The following KIR3DL1 variants were observed in gnomAD, a reference collection of about 807,000 sequenced individuals.
The protein encoded by KIR3DL1 is killer cell immunoglobulin like receptor, three Ig domains and long cytoplasmic tail 1, also known as killer cell immunoglobulin-like receptor 3DL1.
KIR3DL1 carries 50 observed loss-of-function variants against 40.3 expected under a neutral mutation model. That is an observed-to-expected ratio of 1.24 (90% CI 0.99 to 1.57). The LOEUF (loss-of-function observed/expected upper bound fraction) is 1.57. KIR3DL1 is among the 40% of genes most tolerant of loss of function. The pLI, the probability that KIR3DL1 is intolerant of heterozygous loss-of-function variation, is 0.00. For synonymous variants in KIR3DL1, 257 were observed against 207.2 expected (o/e 1.24, Z -2.07); for missense variants, 661 against 559.9 (o/e 1.18, Z -1.82).
At chr19:54,822,789 T>A (rs2061702426) in intron 5 of KIR3DL1, among the ~76,000 whole-genome samples, 1 of 146,934 alleles carries the variant, frequency 6.8e-6, no homozygotes, top group South Asian at 2.2e-4. Flanking sequence ...TCCAGTTCCA[T>A]CCATGTGGCT....
At chr19:54,817,923 C>T (rs4080176) in intron 2 of KIR3DL1, among the ~76,000 whole-genome samples, 41,318 of 125,100 alleles carry the variant, frequency 0.33, 8,935 homozygotes, top group African/African-American at 0.57. Context: ...AGTGTGGCTG[C>T]GGTCTTTCTA....
At position 54,821,770 on chromosome 19, in the gene KIR3DL1, C is replaced by T. The variant is rs754894112; in HGVS notation, c.861C>T (p.His287=). The change falls in exon 5 of 9, where the codon CAC becomes CAT. Residue 287 remains histidine, a synonymous_variant. Coordinates refer to ENST00000391728, the Ensembl canonical transcript of KIR3DL1. ...ATTTCCCTCTGGGCCCTGCCACCCA[C>T]GGAGGGACCTACAGATGCTTCGGCT... 2.3e-4 allele frequency: 369 copies of T among 1,607,490 alleles called. 15 individuals carry two copies. Among genetic ancestry groups the T allele is most frequent in the Non-Finnish European group, 4.9e-5 (58 of 1,176,526 alleles).
chr19:54,823,547 G>C (rs2061741173), intron 5 of KIR3DL1, among the ~76,000 whole-genome samples: 4 of 151,120 alleles, frequency 2.6e-5, no homozygotes, highest in Non-Finnish European at 1.5e-5. Flanking sequence ...TCCCAGGCTG[G>C]AGTGCAAGGG....
intron 5 of KIR3DL1, among the ~76,000 whole-genome samples, chr19:54,824,644 C>A (rs1360396535): frequency 6.6e-6 from 1 of 151,114 alleles, no homozygotes; most frequent in African/African-American, 2.4e-5. Flanking sequence ...CCTCTGCACT[C>A]CAGCCTGCAT....
intron 6 of KIR3DL1, 78 bp from the exon 7 acceptor site, chr19:54,829,283 T>C: frequency 2.5e-6 from 3 of 1,205,958 alleles, no homozygotes; most frequent in Non-Finnish European, 3.5e-6. Flanking sequence ...TGGTTACCTG[T>C]CAATCAAGAA....
chr19:54,821,710 T>C, exon 5 of KIR3DL1: 1 of 1,609,100 alleles, frequency 6.2e-7, no homozygotes, highest in Non-Finnish European at 8.5e-7. Context: ...GTAGGCTCCC[T>C]GCAGTGCGCA....
chr19:54,823,053 A>G (rs1174688808), intron 5 of KIR3DL1, among the ~76,000 whole-genome samples: 1 of 145,788 alleles, frequency 6.9e-6, no homozygotes, highest in African/African-American at 2.5e-5. Context: ...TTCTTTTTTG[A>G]GAAAGAGTTT....
intron 5 of KIR3DL1, 44 bp from the exon 6 acceptor site, chr19:54,824,984 C>T: frequency 7.4e-7 from 1 of 1,354,942 alleles, no homozygotes; most frequent in Non-Finnish European, 1.1e-6. Context: ...GAGTAGAGGA[C>T]AAGCACCCTC....
intron 6 of KIR3DL1, among the ~76,000 whole-genome samples, chr19:54,827,896 C>G (rs182448872): frequency 6.7e-6 from 1 of 150,258 alleles, no homozygotes; most frequent in African/African-American, 2.5e-5. Context: ...CCCAAATCCC[C>G]CATCTCACCC....
At position 54,819,773 on chromosome 19, in the gene KIR3DL1, G is replaced by C. The variant is rs2273730; in HGVS notation, c.416G>C (p.Arg139Thr). The C allele has an allele frequency of 8.4e-4, 1,356 of 1,610,728 alleles. 27 individuals carry two copies. Among genetic ancestry groups the C allele is most frequent in the East Asian group, 5.0e-3 (224 of 44,736 alleles). ...GGTCCCCTGGTGAAATCAGGAGAGAGAGTCATCCTGCAATGTTGGTCAGAT... is the reference window on the plus strand; with the variant it reads ...GGTCCCCTGGTGAAATCAGGAGAGACAGTCATCCTGCAATGTTGGTCAGAT... Residue 139 changes from arginine (R) to threonine (T), a missense_variant, in exon 4 of 9, where the codon AGA (arginine) becomes ACA (threonine). By Grantham distance (71) the Arg-to-Thr change is moderately conservative. Around this residue, in one of 3 missense-constraint regions of KIR3DL1, gnomAD observed 548 missense variants for 413.3 expected, o/e 1.33. Coordinates refer to ENST00000391728, the Ensembl canonical transcript of KIR3DL1.
In KIR3DL1 at chr19:54,830,355, C is replaced by A; in HGVS notation, c.*80C>A. Reference sequence around the variant, plus strand: ...AAACCGAGTTGCCAGCTCCCATGTACCAGCAGCTGGAATCTGAAGGCGTGA... The same window carrying A: ...AAACCGAGTTGCCAGCTCCCATGTAACAGCAGCTGGAATCTGAAGGCGTGA... On this transcript the variant is annotated 3_prime_UTR_variant, in exon 9 of 9. Transcript: ENST00000391728. 4 of 1,399,196 alleles carry A rather than the reference C, an allele frequency of 2.9e-6. 2 individuals carry two copies. The South Asian group carries it at 5.2e-5, about 18-fold the overall frequency. The allele number at this position is 1,399,196 out of a possible 1,614,324, so 86.7% of individuals were successfully genotyped here. A position where few individuals can be genotyped will look rare whatever the true frequency, so the allele number is the denominator to read the frequency against.
At chr19:54,821,913 G>A in intron 5 of KIR3DL1, 55 bp downstream of exon 5, 1 of 1,551,148 alleles carries the variant, frequency 6.4e-7, no homozygotes, top group South Asian at 1.1e-5. Flanking sequence ...CTTAGCTAAG[G>A]AGCTTCCTGC....
chr19:54,820,071 A>T (rs1601335851), intron 4 of KIR3DL1, 59 bp downstream of exon 4: 1 of 1,551,292 alleles, frequency 6.4e-7, no homozygotes, highest in African/African-American at 1.4e-5. Context: ...ATGATCCAGG[A>T]CTTGGAACCC....
At chr19:54,823,484 T>A (rs1396903142) in intron 5 of KIR3DL1, among the ~76,000 whole-genome samples, 1 of 151,280 alleles carries the variant, frequency 6.6e-6, no homozygotes, top group South Asian at 2.1e-4. Flanking sequence ...GCCATTTTAC[T>A]TTACTTTATT....
rs1385879122 is a variant in KIR3DL1 at position 54,816,685 on chromosome 19, C to T, written c.34+151C>T. 7 of 1,322,136 alleles carry T rather than the reference C, an allele frequency of 5.3e-6. No individual in the cohort carries two copies. The African/African-American group carries it at 1.0e-4, about 19-fold the overall frequency. The allele number at this position is 1,322,136 out of a possible 1,614,324, so 81.9% of individuals were successfully genotyped here. Reference sequence around the variant, plus strand: ...CTGGGCCTGGAGTGGAGATCTGGGCCTGGAGTGGAGATAGGGGCCTGGGGT... The same window carrying T: ...CTGGGCCTGGAGTGGAGATCTGGGCTTGGAGTGGAGATAGGGGCCTGGGGT... On this transcript the variant is annotated intron_variant, in intron 1 of 8. Coordinates refer to ENST00000391728, the Ensembl canonical transcript of KIR3DL1.
chr19:54,825,050 T>G (rs1392101095), exon 6 of KIR3DL1: 1 of 1,524,258 alleles, frequency 6.6e-7, no homozygotes, highest in Non-Finnish European at 9.1e-7. Flanking sequence ...GTAGTTGGCC[T>G]TCACCCACAG....
chr19:54,817,630 G>A (rs1445145944), intron 2 of KIR3DL1, 61 bp downstream of exon 2: 11 of 1,354,022 alleles, frequency 8.1e-6, no homozygotes, highest in East Asian at 2.8e-5. Flanking sequence ...TTCCTGAAAT[G>A]GGAGGGAAGT....
At chr19:54,820,084 A>G in intron 4 of KIR3DL1, 72 bp downstream of exon 4, 2 of 1,503,710 alleles carry the variant, frequency 1.3e-6, no homozygotes, top group South Asian at 2.4e-5. Flanking sequence ...TGGAACCCCC[A>G]GGTGGTCATG....
At chr19:54,817,010 G>T (rs1398119360) in intron 1 of KIR3DL1, among the ~76,000 whole-genome samples, 2 of 142,942 alleles carry the variant, frequency 1.4e-5, no homozygotes, top group Non-Finnish European at 3.0e-5. Context: ...TGGAGTTAAG[G>T]GCATGAAGTG....
Sources: allele counts gnomAD v4.1 joint callset (sites outside exome capture counted in the v4.1 genomes callset), GRCh38; gene constraint gnomAD v4.1.1; regional missense constraint gnomAD v4.1.1; transcripts MANE v1.5; gene names NCBI Gene and HGNC (gene_info 2026-07-23, HGNC 2026-07-21).